LRP1: variants seen among roughly 807,000 people sequenced by gnomAD.
The protein encoded by LRP1 is prolow-density lipoprotein receptor-related protein 1.
LRP1 carries 51 observed loss-of-function variants against 541.5 expected under a neutral mutation model. The ratio of observed to expected loss-of-function variants is 0.09; its 90% CI spans 0.08 to 0.12. The LOEUF (loss-of-function observed/expected upper bound fraction) is 0.12. Ranked by LOEUF, LRP1 falls within the 10% of genes least tolerant of loss-of-function variation. LRP1 has a pLI of 1.00. For synonymous variants in LRP1, 2,219 were observed against 2,470.8 expected, an observed-to-expected ratio of 0.90 and a Z score of 3.02; for missense variants, 3,878 against 6,376.2, an observed-to-expected ratio of 0.61 and a Z score of 13.34.
chr12:57,206,198 C>A lies in LRP1; in HGVS notation c.11591-275C>A, dbSNP rs76362380. Among the ~76,000 whole-genome samples, 8,078 of 152,262 alleles carry A rather than the reference C, an allele frequency of 0.053. 347 individuals are homozygous for A. Among genetic ancestry groups the A allele is most frequent in the East Asian group, 0.22 (1,160 of 5,162 alleles). On this transcript the variant is annotated intron_variant, in intron 75 of 88. Transcript: ENST00000243077. The surrounding 1 kb of genome is among the most constrained non-coding windows in gnomAD (Gnocchi z 4.7). Reference sequence around the variant, plus strand: ...GAGCGTGGTGATGCCATCCAGCAGCCGTGAGGAGGTGGAAGTCTCTGGGTC... The same window carrying A: ...GAGCGTGGTGATGCCATCCAGCAGCAGTGAGGAGGTGGAAGTCTCTGGGTC...
chr12:57,171,147 C>A (rs1204076519), intron 20 of LRP1, among the ~76,000 whole-genome samples: 1 of 152,216 alleles, frequency 6.6e-6, no homozygotes, highest in Non-Finnish European at 1.5e-5. Flanking sequence ...CTCCCTGCCG[C>A]TCCCAGATAA....
chr12:57,154,484 T>C lies in LRP1; in HGVS notation c.1010T>C (p.Val337Ala), dbSNP rs1592614664. Residue 337 changes from valine (V) to alanine (A), a missense_variant, in exon 8 of 89, where the codon GTG becomes GCG. Val to Ala is a moderately conservative substitution (Grantham distance 64). Transcript: ENST00000243077. The surrounding 1 kb of genome is among the most constrained non-coding windows in gnomAD (Gnocchi z 4.6). ...GIALDPAMGK[V>A]FFTDYGQIPK... ...TAACATGCATCTTCCCACAGGAAGG[T>C]GTTTTTCACTGACTATGGGCAGATC... 6.2e-7 allele frequency: 1 copy of C among 1,612,458 alleles called. No individual in the cohort carries two copies. Among genetic ancestry groups the C allele is most frequent in the Non-Finnish European group, 8.5e-7 (1 of 1,178,672 alleles).
intron 6 of LRP1, chr12:57,149,724 G>A (rs755649338): frequency 1.8e-5 from 13 of 732,876 alleles, no homozygotes; most frequent in East Asian, 5.1e-5. Flanking sequence ...GACACAACAC[G>A]GCTAAGCTCC....
At chr12:57,171,844 T>G (rs2035949114) in intron 20 of LRP1, among the ~76,000 whole-genome samples, 1 of 152,116 alleles carries the variant, frequency 6.6e-6, no homozygotes. Context: ...CCTGGCCTCC[T>G]GAGTCAGATC....
At position 57,210,759 on chromosome 12, in the gene LRP1, A is replaced by C; in HGVS notation, c.12796A>C (p.Lys4266Gln). 1 of 1,612,254 alleles carries C rather than the reference A, an allele frequency of 6.2e-7. No homozygotes were observed. The highest frequency in any genetic ancestry group is 1.1e-5 in the South Asian group (1 of 91,050). Residue 4266 changes from lysine to glutamine, a missense_variant, in exon 83 of 89, where the codon AAA becomes CAA. Lys to Gln is a moderately conservative substitution (Grantham distance 53). Transcript: ENST00000243077. ...CRCPTGFTGP[K>Q]CTQQVCAGYC... Reference sequence around the variant, plus strand: ...GTGCCCCACGGGCTTCACGGGCCCCAAATGCACCCAGCAGGTGTGTGCGGG... The same window carrying C: ...GTGCCCCACGGGCTTCACGGGCCCCCAATGCACCCAGCAGGTGTGTGCGGG...
chr12:57,179,973 G>C lies in LRP1; in HGVS notation c.5141+17G>C. ...TCTGCGTGGGTCAGTCTAGGGCCCA[G>C]GGCCGGGGAGCATGGGGTGTGGGGC... On this transcript the variant is annotated intron_variant, in intron 30 of 88. Coordinates refer to ENST00000243077, the MANE Select transcript of LRP1 (RefSeq NM_002332.3). The surrounding 1 kb of genome is among the most constrained non-coding windows in gnomAD (Gnocchi z 6.8). 1 of 1,613,952 alleles carries C rather than the reference G, an allele frequency of 6.2e-7. No homozygotes were observed. The highest frequency in any genetic ancestry group is 8.5e-7 in the Non-Finnish European group (1 of 1,179,936).
At position 57,198,302 on chromosome 12, in the gene LRP1, C is replaced by T; in HGVS notation, c.9429C>T (p.Gly3143=). The part of the protein sequence containing the change: ...GAYRTVLVSS[G]LREPRALVVD... ...ATCGGACGGTGCTGGTCAGCTCTGGCCTCCGTGAGCCCAGGGCTCTGGTGG... is the reference window on the plus strand; with the variant it reads ...ATCGGACGGTGCTGGTCAGCTCTGGTCTCCGTGAGCCCAGGGCTCTGGTGG... Residue 3143 remains glycine, a synonymous_variant, in exon 59 of 89, where the codon GGC becomes GGT. Coordinates refer to ENST00000243077, the MANE Select transcript of LRP1 (RefSeq NM_002332.3). 4 of 1,613,926 alleles carry T rather than the reference C, an allele frequency of 2.5e-6. No homozygotes were observed. Among genetic ancestry groups the T allele is most frequent in the Non-Finnish European group, 3.4e-6 (4 of 1,179,984 alleles).
In LRP1 at chr12:57,193,003, A is replaced by T. The variant is rs751222504; in HGVS notation, c.7555+33A>T. 22 of 1,605,956 alleles carry T rather than the reference A, an allele frequency of 1.4e-5. No individual in the cohort carries two copies. In the Admixed American group the frequency reaches 3.3e-4, roughly 24 times the overall value. On this transcript the variant is annotated intron_variant, in intron 45 of 88. Transcript: ENST00000243077. ...AGGCGGGGGGGAGGGGCTGGCGGGG[A>T]ACCCAAGCACACACCAGGGATGGTG... is the stretch of plus-strand genomic sequence containing the variant.
At position 57,165,701 on chromosome 12, in the gene LRP1, ATT is replaced by A. The variant is rs1476768264; in HGVS notation, c.2531-103_2531-102del. The A allele has an allele frequency of 8.5e-7, 1 of 1,179,554 alleles. No individual in the cohort carries two copies. Among genetic ancestry groups the A allele is most frequent in the Non-Finnish European group, 1.2e-6 (1 of 835,048 alleles). The allele number at this position is 1,179,554 out of a possible 1,614,324, so 73.1% of individuals were successfully genotyped here. A position where few individuals can be genotyped will look rare whatever the true frequency, so the allele number is the denominator to read the frequency against. Reference sequence around the variant, plus strand: ...TTTGTACTAGAAAAAATTACTTTGTATTATTAAAAAATAGTAAAACAAACAAA... The same window carrying A: ...TTTGTACTAGAAAAAATTACTTTGTAATTAAAAAATAGTAAAACAAACAAA... On this transcript the variant is annotated intron_variant, in intron 15 of 88. Coordinates refer to ENST00000243077, the MANE Select transcript of LRP1 (RefSeq NM_002332.3). The surrounding 1 kb of genome is among the most constrained non-coding windows in gnomAD (Gnocchi z 4.5).
chr12:57,197,072 C>T lies in LRP1; in HGVS notation c.8983C>T (p.Arg2995Cys), dbSNP rs1459522255. 5 of 1,613,910 alleles carry T rather than the reference C, an allele frequency of 3.1e-6. No individual in the cohort carries two copies. Among genetic ancestry groups the T allele is most frequent in the Non-Finnish European group, 3.4e-6 (4 of 1,179,836 alleles). ...CAGCACCACCTTCCCCTGCAGCCAG[C>T]GCTGCATCAACACTCATGGCAGCTA... is the stretch of plus-strand genomic sequence containing the variant. The part of the protein sequence containing the change: ...ECSTTFPCSQ[R>C]CINTHGSYKC... The change falls in exon 56 of 89, where the codon CGC becomes TGC. Residue 2995 changes from arginine (R) to cysteine (C), a missense_variant. Arg to Cys is a radical substitution (Grantham distance 180, BLOSUM62 -3). Coordinates refer to ENST00000243077, the MANE Select transcript of LRP1 (RefSeq NM_002332.3). The surrounding 1 kb of genome is among the most constrained non-coding windows in gnomAD (Gnocchi z 4.5).
At chr12:57,187,506 G>A in intron 42 of LRP1, 50 bp downstream of exon 42, 1 of 1,569,894 alleles carries the variant, frequency 6.4e-7, no homozygotes, top group Middle Eastern at 1.8e-4. Context: ...GGGACTCGGG[G>A]TGGCAGAAAC....
chr12:57,180,615 A>G (rs965233199), intron 32 of LRP1, 52 bp from the exon 33 acceptor site: 18 of 1,611,242 alleles, frequency 1.1e-5, no homozygotes, highest in Non-Finnish European at 1.5e-5. Flanking sequence ...GCCCTTCAGG[A>G]GAGCTGGGTG....
rs1257927703 is a variant in LRP1, at chr12:57,162,709, CTG to C, written c.2405-145_2405-144del. 1 of 1,060,010 alleles carries C rather than the reference CTG, an allele frequency of 9.4e-7. No individual in the cohort carries two copies. Among genetic ancestry groups the C allele is most frequent in the African/African-American group, 1.6e-5 (1 of 63,258 alleles). The allele number at this position is 1,060,010 out of a possible 1,614,324, so 65.7% of individuals were successfully genotyped here. A position where few individuals can be genotyped will look rare whatever the true frequency, so the allele number is the denominator to read the frequency against. ...CCCCATTTCCCTTCCTGCCCCATGTCTGTGTCTCCTGTTCTTCAACATGATCT... is the reference window on the plus strand; with the variant it reads ...CCCCATTTCCCTTCCTGCCCCATGTCTGTCTCCTGTTCTTCAACATGATCT... On this transcript the variant is annotated intron_variant, in intron 14 of 88. Coordinates refer to ENST00000243077, the MANE Select transcript of LRP1 (RefSeq NM_002332.3). This position sits in a 1 kb window ranked among gnomAD's most constrained non-coding sequence, Gnocchi z 5.2.
At position 57,161,049 on chromosome 12, in the gene LRP1, C is replaced by G. The variant is rs371104590; in HGVS notation, c.2136C>G (p.Arg712=). The change falls in exon 13 of 89, where the codon CGC becomes CGG. Residue 712 remains arginine (R), a synonymous_variant. Transcript: ENST00000243077. The part of the protein sequence containing the change: ...NGLSLDIPAG[R]LYWVDAFYDR... Reference sequence around the variant, plus strand: ...TAAGCCTGGACATCCCGGCTGGGCGCCTCTACTGGGTGGATGCCTTCTACG... The same window carrying G: ...TAAGCCTGGACATCCCGGCTGGGCGGCTCTACTGGGTGGATGCCTTCTACG... 8.7e-6 allele frequency: 14 copies of G among 1,613,940 alleles called. No individual in the cohort carries two copies. Among genetic ancestry groups the G allele is most frequent in the Non-Finnish European group, 1.1e-5 (13 of 1,180,034 alleles).
rs544128193 is a variant in LRP1, at chr12:57,195,166, C to T, written c.8308+65C>T. 1.0e-5 allele frequency: 16 copies of T among 1,593,878 alleles called. No homozygotes were observed. The South Asian group carries it at 1.7e-4, about 16-fold the overall frequency. ...GAGGGACAGACCCCACCCAACTCCACCCCACACACAGACACCCCTGCAGAC... is the reference window on the plus strand; with the variant it reads ...GAGGGACAGACCCCACCCAACTCCATCCCACACACAGACACCCCTGCAGAC... On this transcript the variant is annotated intron_variant, in intron 51 of 88. Transcript: ENST00000243077.
chr12:57,200,696 C>T lies in LRP1; in HGVS notation c.10109-3C>T. 1 of 1,612,404 alleles carries T rather than the reference C, an allele frequency of 6.2e-7. No individual in the cohort carries two copies. The highest frequency in any genetic ancestry group is 8.5e-7 in the Non-Finnish European group (1 of 1,178,672). On this transcript the variant is annotated splice_polypyrimidine_tract_variant and splice_region_variant and intron_variant, in intron 63 of 88. Coordinates refer to ENST00000243077, the MANE Select transcript of LRP1 (RefSeq NM_002332.3). The stretch of plus-strand genomic sequence containing the variant: ...TCTGACTCTGAGCCTCCCTCTCTGG[C>T]AGCTGAGTTCAAGTGCCGGCCCGGA...
At position 57,160,893 on chromosome 12, in the gene LRP1, G is replaced by A; in HGVS notation, c.1980G>A (p.Gly660=). The A allele has an allele frequency of 1.9e-6, 3 of 1,613,336 alleles. No individual in the cohort carries two copies. The African/African-American group carries it at 4.0e-5, about 22-fold the overall frequency. The change falls in exon 13 of 89, where the codon GGG becomes GGA. Residue 660 remains glycine (G), a splice_region_variant and synonymous_variant. Coordinates refer to ENST00000243077, the MANE Select transcript of LRP1 (RefSeq NM_002332.3). ...GATGCTGACCAGTCGCTGCCCACAGGTGGATGTACTGGACAGACTGGGAGG... is the reference window on the plus strand; with the variant it reads ...GATGCTGACCAGTCGCTGCCCACAGATGGATGTACTGGACAGACTGGGAGG... ...PRAIVVDPLN[G]WMYWTDWEED...
chr12:57,148,664 T>C lies in LRP1; in HGVS notation c.841+3174T>C, dbSNP rs2035463865. ...AGAAAGAATGAGGCAGACTGCAAGA[T>C]TGGGGTCCTGGGAACATGGGTGTGT... On this transcript the variant is annotated intron_variant, in intron 6 of 88. Transcript: ENST00000243077. Among the ~76,000 whole-genome samples the C allele has an allele frequency of 1.3e-5, 2 of 152,286 alleles. 1 individual carries two copies. The highest frequency in any genetic ancestry group is 1.3e-4 in the Admixed American group (2 of 15,300).
At position 57,158,635 on chromosome 12, in the gene LRP1, G is replaced by A; in HGVS notation, c.1795G>A (p.Asp599Asn). 9 of 1,613,836 alleles carry A rather than the reference G, an allele frequency of 5.6e-6. No homozygotes were observed. The highest frequency in any genetic ancestry group is 7.6e-6 in the Non-Finnish European group (9 of 1,179,776). Residue 599 changes from aspartate to asparagine, a missense_variant, in exon 11 of 89, where the codon GAC (aspartate) becomes AAC (asparagine). Transcript: ENST00000243077. The surrounding 1 kb of genome is among the most constrained non-coding windows in gnomAD (Gnocchi z 5.3). ...CACTGAGCGGGAGACCATCCTGAAG[G>A]ACGGTATGGGCTCCTAGGGATGTGG... is the stretch of plus-strand genomic sequence containing the variant. Reference protein sequence around the residue: ...DGTERETILKDGIHNVEGVAV... With the variant: ...DGTERETILKNGIHNVEGVAV...
Sources: allele counts gnomAD v4.1 joint callset (sites outside exome capture counted in the v4.1 genomes callset), GRCh38; gene constraint gnomAD v4.1.1; non-coding constraint Gnocchi (gnomAD v3.1); transcripts MANE v1.5; gene names NCBI Gene and HGNC (gene_info 2026-07-23, HGNC 2026-07-21).